The following DNAJC5B variants were observed in gnomAD, a reference collection of about 807,000 sequenced individuals.
The protein encoded by DNAJC5B is DnaJ heat shock protein family (Hsp40) member C5 beta.
In DNAJC5B, 23 loss-of-function variants were observed where a neutral mutation model predicts 24.7. That is an observed-to-expected ratio of 0.93 (90% CI 0.67 to 1.32). DNAJC5B has a LOEUF of 1.32. Ranked by LOEUF, DNAJC5B falls within the 40% of genes most tolerant of loss-of-function variation. The pLI, the probability that DNAJC5B is intolerant of heterozygous loss-of-function variation, is 0.00. For synonymous variants in DNAJC5B, 101 were observed against 90.1 expected, an observed-to-expected ratio of 1.12 and a Z score of -0.68; for missense variants, 238 against 240.8, an observed-to-expected ratio of 0.99 and a Z score of 0.08.
chr8:66,035,409 C>G (rs916979885), intron 1 of DNAJC5B, among the ~76,000 whole-genome samples: 2 of 152,160 alleles, frequency 1.3e-5, no homozygotes, highest in African/African-American at 4.8e-5. Context: ...AAGATGAGGC[C>G]TTACTGGAGT....
At chr8:66,039,041 C>A (rs1806549105) in intron 1 of DNAJC5B, among the ~76,000 whole-genome samples, 1 of 152,206 alleles carries the variant, frequency 6.6e-6, no homozygotes, top group Non-Finnish European at 1.5e-5. Context: ...AGTGAACACA[C>A]TTATTGGTAG....
At chr8:66,029,738 G>A (rs897722920) in intron 1 of DNAJC5B, among the ~76,000 whole-genome samples, 3 of 152,144 alleles carry the variant, frequency 2.0e-5, no homozygotes, top group African/African-American at 7.2e-5. Flanking sequence ...GAGAGGGTGA[G>A]TGAAAGGAGA....
At chr8:66,058,860 G>T (rs2128960998) in intron 3 of DNAJC5B, among the ~76,000 whole-genome samples, 1 of 152,326 alleles carries the variant, frequency 6.6e-6, no homozygotes, top group East Asian at 1.9e-4. Context: ...AGGTATTGAA[G>T]CTCTTGCCTT....
chr8:66,053,057 A>G (rs1806885888), intron 3 of DNAJC5B, among the ~76,000 whole-genome samples: 1 of 152,138 alleles, frequency 6.6e-6, no homozygotes, highest in African/African-American at 2.4e-5. Flanking sequence ...CTAGGACTTC[A>G]GGCTAGCTAC....
At chr8:66,060,194 G>A (rs1807050865) in intron 3 of DNAJC5B, among the ~76,000 whole-genome samples, 1 of 152,104 alleles carries the variant, frequency 6.6e-6, no homozygotes, top group South Asian at 2.1e-4. Flanking sequence ...CAGTAATGTC[G>A]CTCTGCTTAG....
chr8:66,048,792 G>A (rs72650557), intron 2 of DNAJC5B, among the ~76,000 whole-genome samples: 18,456 of 152,144 alleles, frequency 0.12, 1,218 homozygotes, highest in African/African-American at 0.15. Context: ...AAGTGGTAGT[G>A]TTGCTTTCGG....
intron 1 of DNAJC5B, among the ~76,000 whole-genome samples, chr8:66,030,878 C>T (rs1487839960): frequency 3.9e-5 from 6 of 152,338 alleles, no homozygotes; most frequent in East Asian, 1.9e-4. Context: ...CTCAAGAGAT[C>T]TGCCTACCTC....
At chr8:66,041,605 A>C (rs559500484) in intron 1 of DNAJC5B, among the ~76,000 whole-genome samples, 1 of 152,372 alleles carries the variant, frequency 6.6e-6, no homozygotes, top group South Asian at 2.1e-4. Flanking sequence ...TTTTTGGTTC[A>C]ATCTTGGAAG....
intron 3 of DNAJC5B, among the ~76,000 whole-genome samples, chr8:66,061,735 T>A (rs996978960): frequency 1.3e-5 from 2 of 152,214 alleles, no homozygotes; most frequent in Non-Finnish European, 2.9e-5. Flanking sequence ...CTGATGTTTA[T>A]AATATGCTGA....
At chr8:66,049,126 A>G (rs1305337433) in intron 2 of DNAJC5B, among the ~76,000 whole-genome samples, 34 of 152,228 alleles carry the variant, frequency 2.2e-4, no homozygotes, top group Admixed American at 2.2e-3. Context: ...CTGAATAACA[A>G]CATTTTGGTC....
intron 5 of DNAJC5B, among the ~76,000 whole-genome samples, chr8:66,085,282 A>C (rs1807696112): frequency 6.6e-6 from 1 of 152,148 alleles, no homozygotes; most frequent in Admixed American, 6.5e-5. Flanking sequence ...TCTACTAAAA[A>C]TACAATAATT....
intron 5 of DNAJC5B, among the ~76,000 whole-genome samples, chr8:66,085,146 T>G (rs931963140): frequency 6.6e-6 from 1 of 152,122 alleles, no homozygotes; most frequent in Non-Finnish European, 1.5e-5. Flanking sequence ...TTGCCAAAAA[T>G]CAATTGGCCA....
intron 5 of DNAJC5B, among the ~76,000 whole-genome samples, chr8:66,094,200 A>G (rs1313849377): frequency 1.3e-5 from 2 of 152,090 alleles, no homozygotes; most frequent in Non-Finnish European, 2.9e-5. Context: ...CAAGTTATTT[A>G]ACAAGAATTC....
chr8:66,022,824 T>C (rs1423786671), intron 1 of DNAJC5B, among the ~76,000 whole-genome samples: 1 of 152,210 alleles, frequency 6.6e-6, no homozygotes, highest in African/African-American at 2.4e-5. Context: ...GTCACTGTGA[T>C]TTTCACAATT....
chr8:66,039,270 T>C (rs1269105803), intron 1 of DNAJC5B, among the ~76,000 whole-genome samples: 1 of 152,066 alleles, frequency 6.6e-6, no homozygotes, highest in East Asian at 1.9e-4. Context: ...GCTGGTTACC[T>C]TGGGCAATTC....
chr8:66,083,794 T>G (rs1447411787), intron 5 of DNAJC5B, among the ~76,000 whole-genome samples: 2 of 152,146 alleles, frequency 1.3e-5, no homozygotes, highest in East Asian at 3.8e-4. Flanking sequence ...CTGAAACCTA[T>G]CCCTAACTCT....
chr8:66,076,936 G>C, intron 4 of DNAJC5B, 63 bp downstream of exon 4: 1 of 1,570,564 alleles, frequency 6.4e-7, no homozygotes, highest in Non-Finnish European at 8.7e-7. Flanking sequence ...CACTCTTTTA[G>C]ATTCCATCTC....
chr8:66,016,429 G>A, the DNAJC5B span, among the ~76,000 whole-genome samples: 7 of 152,138 alleles, frequency 4.6e-5, no homozygotes, highest in East Asian at 9.7e-4. Context: ...CACTCGCTCC[G>A]TTCTGCCACA....
At chr8:66,041,922 A>G (rs370128786) in intron 1 of DNAJC5B, among the ~76,000 whole-genome samples, 28 of 152,270 alleles carry the variant, frequency 1.8e-4, no homozygotes, top group African/African-American at 6.0e-4. Context: ...AGCACGTAGG[A>G]CCTTTGAACA....
Sources: allele counts gnomAD v4.1 joint callset (sites outside exome capture counted in the v4.1 genomes callset), GRCh38; gene constraint gnomAD v4.1.1; transcripts MANE v1.5; gene names NCBI Gene and HGNC (gene_info 2026-07-23, HGNC 2026-07-21).